Variants in CDKN2B-AS1 observed in about 807,000 individuals in gnomAD.
The protein encoded by CDKN2B-AS1 is CDKN2B and CDKN2A antisense cis and trans regulatory RNA 1.
At chr9:22,076,052 T>A (rs927817304) in intron 4 of CDKN2B-AS1, among the ~76,000 whole-genome samples, 5 of 151,994 alleles carry the variant, frequency 3.3e-5, no homozygotes, top group African/African-American at 1.2e-4. Context: ...TGGAGAGGTT[T>A]TATTTTATTT....
intron 4 of CDKN2B-AS1, chr9:22,120,630 T>C (rs1020380938): frequency 1.3e-5 from 2 of 152,238 alleles, no homozygotes; most frequent in Admixed American, 6.5e-5. Flanking sequence ...ATAACCTTGT[T>C]TCAAAAATAT....
At chr9:22,081,093 G>A (rs374744632) in intron 4 of CDKN2B-AS1, among the ~76,000 whole-genome samples, 1 of 152,002 alleles carries the variant, frequency 6.6e-6, no homozygotes, top group African/African-American at 2.4e-5. Context: ...AATACAATTA[G>A]GTCCATATGG....
intron 4 of CDKN2B-AS1, among the ~76,000 whole-genome samples, chr9:22,090,646 A>G (rs1036264608): frequency 3.3e-5 from 5 of 151,856 alleles, no homozygotes; most frequent in African/African-American, 1.2e-4. Flanking sequence ...GTGTCTGTTC[A>G]TATCCTTCAC....
At chr9:22,109,860 A>C (rs1825759087) in intron 4 of CDKN2B-AS1, among the ~76,000 whole-genome samples, 1 of 152,104 alleles carries the variant, frequency 6.6e-6, no homozygotes, top group African/African-American at 2.4e-5. Context: ...ATGCCTAATC[A>C]CACTCATTTT....
chr9:22,066,171 G>C (rs773528764), intron 4 of CDKN2B-AS1: 1 of 151,950 alleles, frequency 6.6e-6, no homozygotes, highest in Non-Finnish European at 1.5e-5. Context: ...GTGATGAAGA[G>C]CTGAAATCTT....
chr9:22,077,707 G>C (rs1486259082), intron 4 of CDKN2B-AS1: 1 of 152,174 alleles, frequency 6.6e-6, no homozygotes, highest in Non-Finnish European at 1.5e-5. Context: ...AATTTCCTAC[G>C]AAGCTGGGTG....
At chr9:22,038,812 T>C (rs184215088) in intron 1 of CDKN2B-AS1, among the ~76,000 whole-genome samples, 265 of 152,170 alleles carry the variant, frequency 1.7e-3, no homozygotes, top group African/African-American at 6.3e-3. Context: ...ATGTATTCCT[T>C]TGTTTCAATT....
chr9:22,095,864 T>TC (rs1285467577), intron 4 of CDKN2B-AS1, among the ~76,000 whole-genome samples: 2 of 150,694 alleles, frequency 1.3e-5, no homozygotes, highest in African/African-American at 4.9e-5. Context: ...TCTCTTTTGA[T>TC]TTTGTTGGTT....
At chr9:22,099,953 T>C (rs1337958945) in intron 4 of CDKN2B-AS1, among the ~76,000 whole-genome samples, 1 of 152,154 alleles carries the variant, frequency 6.6e-6, no homozygotes, top group Non-Finnish European at 1.5e-5. Flanking sequence ...GGAAAATTTT[T>C]CATTGTGTTC....
At chr9:22,059,686 A>G (rs1448034551) in intron 4 of CDKN2B-AS1, among the ~76,000 whole-genome samples, 1 of 152,208 alleles carries the variant, frequency 6.6e-6, no homozygotes, top group African/African-American at 2.4e-5. Context: ...CTAACCCCAC[A>G]TTTCTCTTCT....
chr9:22,076,076 G>A (rs1052151429), intron 4 of CDKN2B-AS1, among the ~76,000 whole-genome samples: 1 of 151,328 alleles, frequency 6.6e-6, no homozygotes, highest in African/African-American at 2.4e-5. Flanking sequence ...TTTTTTTAAT[G>A]GAGTCTTGCT....
At position 22,053,895 on chromosome 9, in the gene CDKN2B-AS1, C is replaced by G. The variant is rs563593795; in HGVS notation, n.303-2357C>G. 2.6e-5 allele frequency among the ~76,000 whole-genome samples: 4 copies of G among 151,562 alleles called. No homozygotes were observed. In the South Asian group the frequency reaches 8.3e-4, roughly 31 times the overall value. On this transcript the variant is annotated intron_variant and non_coding_transcript_variant, in intron 3 of 4. Transcript: ENST00000650946. ...AATAAGGATTTTTACTTAGGACATA[C>G]GTAACAGAAAAAGAGATGGTTTAGC...
chr9:22,009,105 G>A (rs1051820544), intron 1 of CDKN2B-AS1: 3 of 1,211,910 alleles, frequency 2.5e-6, no homozygotes, highest in African/African-American at 1.5e-5. Flanking sequence ...TCGTCCTTCT[G>A]CGGCTTGGGG....
chr9:22,112,854 C>T (rs1365874039), intron 4 of CDKN2B-AS1, among the ~76,000 whole-genome samples: 1 of 151,928 alleles, frequency 6.6e-6, no homozygotes, highest in East Asian at 1.9e-4. Flanking sequence ...AAGTTCAGAA[C>T]AAAAGAAAAT....
intron 1 of CDKN2B-AS1, among the ~76,000 whole-genome samples, chr9:22,008,346 C>A (rs1821296814): frequency 1.3e-5 from 2 of 152,136 alleles, no homozygotes; most frequent in African/African-American, 4.8e-5. Context: ...TATGAGAAAA[C>A]AATACAACAG....
chr9:22,005,835 G>T lies in CDKN2B-AS1; in HGVS notation n.29+10674G>T. 1.0e-6 allele frequency: 1 copy of T among 973,920 alleles called. No homozygotes were observed. Among genetic ancestry groups the T allele is most frequent in the Non-Finnish European group, 1.5e-6 (1 of 648,462 alleles). 60.3% of individuals were successfully genotyped at this position (973,920 alleles called of 1,614,324 possible). A position where few individuals can be genotyped will look rare whatever the true frequency, so the allele number is the denominator to read the frequency against. The stretch of plus-strand genomic sequence containing the variant: ...AAAAATGTATGGAAGGTTATTCCCG[G>T]TCGGCTCCTCCTTCCTGTGAGTCTC... On this transcript the variant is annotated intron_variant and non_coding_transcript_variant, in intron 1 of 4. Coordinates refer to ENST00000650946, the Ensembl canonical transcript of CDKN2B-AS1. This position sits in a 1 kb window ranked among gnomAD's most constrained non-coding sequence, Gnocchi z 4.9.
chr9:22,069,778 G>A (rs765269629), intron 4 of CDKN2B-AS1, among the ~76,000 whole-genome samples: 1 of 152,070 alleles, frequency 6.6e-6, no homozygotes, highest in Non-Finnish European at 1.5e-5. Flanking sequence ...CTATTGAATT[G>A]TAACTTTGTA....
chr9:22,092,943 T>C (rs1176116984), intron 4 of CDKN2B-AS1, among the ~76,000 whole-genome samples: 1 of 152,230 alleles, frequency 6.6e-6, no homozygotes, highest in Non-Finnish European at 1.5e-5. Flanking sequence ...TCTTTGCTCC[T>C]TTCTCTTGTG....
intron 2 of CDKN2B-AS1, among the ~76,000 whole-genome samples, chr9:22,048,044 C>T (rs1232423360): frequency 6.6e-6 from 1 of 152,034 alleles, no homozygotes; most frequent in African/African-American, 2.4e-5. Context: ...ATCCACCTGC[C>T]TCAGCCTCTC....
Sources: gnomAD v4.1 joint callset for allele counts (sites outside exome capture counted in the v4.1 genomes callset) on GRCh38, gnomAD v4.1.1 for gene constraint, Gnocchi (gnomAD v3.1) non-coding constraint, MANE v1.5 for transcripts, NCBI Gene and HGNC (gene_info 2026-07-23, HGNC 2026-07-21) for gene names.